The following IKZF3 variants were observed in gnomAD, a reference collection of about 807,000 sequenced individuals.
IKZF3 encodes the protein zinc finger protein Aiolos.
IKZF3 carries 10 observed loss-of-function variants against 49.0 expected under a neutral mutation model. The observed-to-expected ratio is 0.20, with a 90% CI of 0.13 to 0.35. The LOEUF is 0.35. IKZF3 is among the 10% of genes least tolerant of loss of function. IKZF3 has a pLI of 1.00. For missense variants in IKZF3, 498 were observed against 664.8 expected (o/e 0.75, Z 2.76); for synonymous variants, 209 against 228.2 (o/e 0.92, Z 0.76).
In IKZF3 at chr17:39,762,622, C is replaced by T. The variant is rs1216147511; in HGVS notation, c.*3168G>A. 1 of 152,348 alleles carries T rather than the reference C, an allele frequency of 6.6e-6. No homozygotes were observed. Among genetic ancestry groups the T allele is most frequent in the Non-Finnish European group, 1.5e-5 (1 of 68,134 alleles). The allele number at this position is 152,348 out of a possible 1,614,324, so 9.4% of individuals were successfully genotyped here. Reference sequence around the variant, plus strand: ...TGGTCTCAGGCTGGGTGCGGTAGCTCATGCCTGTAATCCCAGCACTGTGGG... The same window carrying T: ...TGGTCTCAGGCTGGGTGCGGTAGCTTATGCCTGTAATCCCAGCACTGTGGG... On this transcript the variant is annotated 3_prime_UTR_variant, in exon 8 of 8. Coordinates refer to ENST00000346872, the MANE Select transcript of IKZF3 (RefSeq NM_012481.5).
Position 39,766,318 on chromosome 17 carries a change from C to A in IKZF3, c.1002G>T (p.Met334Ile), listed in dbSNP as rs938853386. ...VQTPPAPTSEMVPVISSMYPI... is the reference protein window; with the variant it reads ...VQTPPAPTSEIVPVISSMYPI... The stretch of plus-strand genomic sequence containing the variant: ...GATACATGCTGCTGATAACTGGAAC[C>A]ATCTCCGAGGTGGGAGCAGGCGGTG... The change falls in exon 8 of 8, where the codon ATG (methionine) becomes ATT (isoleucine). Residue 334 changes from methionine (M) to isoleucine (I), a missense_variant. Met to Ile is a conservative substitution (Grantham distance 10). This residue lies in a region of IKZF3 where 317 missense variants were observed against 397.3 expected (regional missense o/e 0.80). Transcript: ENST00000346872. The A allele has an allele frequency of 6.2e-7, 1 of 1,614,208 alleles. No homozygotes were observed. Among genetic ancestry groups the A allele is most frequent in the Non-Finnish European group, 8.5e-7 (1 of 1,180,042 alleles).
At chr17:39,838,667 C>T (rs1320687502) in intron 1 of IKZF3, among the ~76,000 whole-genome samples, 2 of 152,032 alleles carry the variant, frequency 1.3e-5, no homozygotes, top group Non-Finnish European at 2.9e-5. Context: ...TTATGTATGC[C>T]ATCTTGAGGT....
In IKZF3 at chr17:39,847,526, A is replaced by T. The variant is rs1022293860; in HGVS notation, c.8-15375T>A. On this transcript the variant is annotated intron_variant, in intron 1 of 7. Coordinates refer to ENST00000346872, the MANE Select transcript of IKZF3 (RefSeq NM_012481.5). ...TCAAATTTACTGAAATGTCTATTTC[A>T]GGTCCTAGTTCAGCTTTCTGGGAAC... Among the ~76,000 whole-genome samples the T allele has an allele frequency of 3.9e-5, 6 of 152,166 alleles. No individual in the cohort carries two copies. The East Asian group carries it at 9.6e-4, about 24-fold the overall frequency.
In IKZF3 at chr17:39,788,288, A is replaced by C; in HGVS notation, c.679T>G (p.Phe227Val). The change falls in exon 6 of 8, where the codon TTT (phenylalanine) becomes GTT (valine). Residue 227 changes from phenylalanine (F) to valine (V), a missense_variant. Phe to Val is a conservative substitution (Grantham distance 50). Coordinates refer to ENST00000346872, the MANE Select transcript of IKZF3 (RefSeq NM_012481.5). ...LEEHKERCRT[F>V]LQSTDPGDTA... is the part of the protein sequence containing the mutation. ...TCCCCTGGGTCAGTGCTCTGAAGAA[A>C]TGTACGGCAGCGCTCCTTGTGCTCC... The C allele has an allele frequency of 6.2e-7, 1 of 1,613,740 alleles. No individual in the cohort carries two copies.
intron 1 of IKZF3, among the ~76,000 whole-genome samples, chr17:39,832,461 T>C (rs1177761491): frequency 6.6e-6 from 1 of 151,780 alleles, no homozygotes; most frequent in African/African-American, 2.4e-5. Flanking sequence ...TATTTTATTA[T>C]GAACACATAG....
At chr17:39,827,768 T>C (rs2061997078) in intron 3 of IKZF3, among the ~76,000 whole-genome samples, 1 of 152,250 alleles carries the variant, frequency 6.6e-6, no homozygotes. Context: ...AGCACTCTAC[T>C]TACAGCCCAT....
chr17:39,779,550 C>T (rs1294570743), intron 6 of IKZF3, among the ~76,000 whole-genome samples: 1 of 152,076 alleles, frequency 6.6e-6, no homozygotes, highest in Non-Finnish European at 1.5e-5. Context: ...ATGATGCTAG[C>T]CTGAACCAGG....
intron 1 of IKZF3, among the ~76,000 whole-genome samples, chr17:39,850,814 ACATATATAATATG>A: frequency 1.5e-5 from 2 of 129,146 alleles, no homozygotes; most frequent in South Asian, 4.4e-4. Context: ...TAGTATATAT[ACATATATAATATG>A]CTATATAGTA....
chr17:39,766,545 G>C (rs1337779023), intron 7 of IKZF3, 52 bp from the exon 8 acceptor site: 1 of 1,452,776 alleles, frequency 6.9e-7, no homozygotes, highest in East Asian at 2.3e-5. Flanking sequence ...AAGGCAGAGA[G>C]TTTGTAAATA....
At chr17:39,839,104 TATAG>T (rs2062389834) in intron 1 of IKZF3, among the ~76,000 whole-genome samples, 1 of 152,156 alleles carries the variant, frequency 6.6e-6, no homozygotes, top group Admixed American at 6.5e-5. Flanking sequence ...GAGCTGGGAT[TATAG>T]GCATGAGCCA....
chr17:39,854,001 C>T (rs2062963530), intron 1 of IKZF3, among the ~76,000 whole-genome samples: 1 of 152,088 alleles, frequency 6.6e-6, no homozygotes, highest in Non-Finnish European at 1.5e-5. Context: ...TGGCACATGC[C>T]TGTAATCCCA....
At chr17:39,796,691 C>T (rs557399481) in intron 3 of IKZF3, among the ~76,000 whole-genome samples, 14 of 151,656 alleles carry the variant, frequency 9.2e-5, no homozygotes, top group South Asian at 4.2e-4. Flanking sequence ...CAGGTGCCCA[C>T]CACCACACCT....
At chr17:39,792,988 G>A (rs2061067694) in intron 3 of IKZF3, 55 bp from the exon 4 acceptor site, 11 of 1,572,924 alleles carry the variant, frequency 7.0e-6, no homozygotes, top group East Asian at 2.2e-5. Flanking sequence ...AGCTATCAAA[G>A]CAGCTCAAAC....
chr17:39,802,663 A>C (rs2061350028), intron 3 of IKZF3, among the ~76,000 whole-genome samples: 1 of 151,636 alleles, frequency 6.6e-6, no homozygotes, highest in South Asian at 2.1e-4. Context: ...GGTATGGTAG[A>C]ATACCTGGGA....
At chr17:39,800,946 C>T (rs2061301623) in intron 3 of IKZF3, among the ~76,000 whole-genome samples, 1 of 152,250 alleles carries the variant, frequency 6.6e-6, no homozygotes, top group South Asian at 2.1e-4. Flanking sequence ...TCAAAGATGG[C>T]AAACAGAATA....
chr17:39,818,554 T>C (rs553652892), intron 3 of IKZF3, among the ~76,000 whole-genome samples: 166 of 152,238 alleles, frequency 1.1e-3, no homozygotes, highest in South Asian at 1.2e-3. Context: ...GGAATGATCT[T>C]TCAACGTTAA....
At chr17:39,774,142 AG>A (rs2060515967) in intron 7 of IKZF3, among the ~76,000 whole-genome samples, 1 of 152,134 alleles carries the variant, frequency 6.6e-6, no homozygotes, top group Admixed American at 6.5e-5. Context: ...AGCCCGCCTG[AG>A]ATAGCAGCGG....
At chr17:39,830,869 G>A (rs1273720823) in intron 2 of IKZF3, among the ~76,000 whole-genome samples, 2 of 152,104 alleles carry the variant, frequency 1.3e-5, no homozygotes, top group African/African-American at 2.4e-5. Context: ...AGAGAAACAC[G>A]TTTCACAAAA....
chr17:39,788,458 C>G (rs779502301), intron 5 of IKZF3, 84 bp from the exon 6 acceptor site: 2 of 796,452 alleles, frequency 2.5e-6, no homozygotes, highest in Non-Finnish European at 4.4e-6. Flanking sequence ...CAACTGTTCA[C>G]TAGAAATGAG....
Sources: gnomAD v4.1 joint callset for allele counts (sites outside exome capture counted in the v4.1 genomes callset) on GRCh38, gnomAD v4.1.1 for gene constraint, gnomAD v4.1.1 regional missense constraint, MANE v1.5 for transcripts, NCBI Gene and HGNC (gene_info 2026-07-23, HGNC 2026-07-21) for gene names.